Variants in ZGRF1 observed in about 807,000 individuals in gnomAD.
ZGRF1 encodes 5'-3' DNA helicase ZGRF1.
A neutral mutation model predicts 203.5 loss-of-function variants in ZGRF1; 196 were observed. The observed-to-expected ratio is 0.96, with a 90% CI of 0.86 to 1.08. The LOEUF (loss-of-function observed/expected upper bound fraction) is 1.08. Ranked by LOEUF, ZGRF1 falls within the 50% of genes least tolerant of loss-of-function variation. ZGRF1 has a pLI of 0.00. For synonymous variants in ZGRF1, 809 were observed against 841.3 expected (o/e 0.96, Z 0.66); for missense variants, 2,326 against 2,416.3 (o/e 0.96, Z 0.78).
At chr4:112,634,835 AG>A (rs1194222424) in intron 1 of ZGRF1, among the ~76,000 whole-genome samples, 1 of 152,130 alleles carries the variant, frequency 6.6e-6, no homozygotes, top group African/African-American at 2.4e-5. Flanking sequence ...ACTGCCTTTC[AG>A]AAATATAACT....
intron 3 of ZGRF1, among the ~76,000 whole-genome samples, chr4:112,627,376 A>G (rs1034841009): frequency 6.6e-6 from 1 of 152,146 alleles, no homozygotes; most frequent in Admixed American, 6.6e-5. Context: ...AGCCTCTACT[A>G]TAAGTCTCTG....
At chr4:112,567,869 T>G (rs1297088598) in intron 16 of ZGRF1, among the ~76,000 whole-genome samples, 2 of 152,054 alleles carry the variant, frequency 1.3e-5, no homozygotes, top group African/African-American at 4.8e-5. Context: ...AACGCTGCAG[T>G]GAGCCGTGAT....
chr4:112,607,190 T>C (rs1218044399), intron 8 of ZGRF1, among the ~76,000 whole-genome samples: 2 of 152,156 alleles, frequency 1.3e-5, no homozygotes, highest in East Asian at 3.8e-4. Flanking sequence ...AGTGGCGCAA[T>C]CGTTGTTCAC....
intron 23 of ZGRF1, 95 bp downstream of exon 23, chr4:112,548,158 C>G (rs1262801992): frequency 9.0e-7 from 1 of 1,114,990 alleles, no homozygotes; most frequent in African/African-American, 1.6e-5. Context: ...CCAAGCTGGT[C>G]GCAAACTCCT....
In ZGRF1 at chr4:112,587,549, C is replaced by T; in HGVS notation, c.3508G>A (p.Gly1170Ser). Residue 1170 changes from glycine to serine, a missense_variant, in exon 12 of 28, where the codon GGC becomes AGC. Coordinates refer to ENST00000505019, the MANE Select transcript of ZGRF1 (RefSeq NM_018392.5). Reference sequence around the variant, plus strand: ...CCAGAAACAGCCTCAGCAAAGAAGCCATCAGTTATTCTCTTATCAACTCTG... The same window carrying T: ...CCAGAAACAGCCTCAGCAAAGAAGCTATCAGTTATTCTCTTATCAACTCTG... Reference protein sequence around the residue: ...PNRVDKRITDGFFAEAVSGMH... With the variant: ...PNRVDKRITDSFFAEAVSGMH... 5 of 1,613,870 alleles carry T rather than the reference C, an allele frequency of 3.1e-6. No homozygotes were observed. Among genetic ancestry groups the T allele is most frequent in the Non-Finnish European group, 4.2e-6 (5 of 1,179,854 alleles).
At chr4:112,608,649 T>C (rs993428665) in intron 8 of ZGRF1, among the ~76,000 whole-genome samples, 1 of 152,098 alleles carries the variant, frequency 6.6e-6, no homozygotes, top group Non-Finnish European at 1.5e-5. Context: ...ATTTAAACCT[T>C]ATTTTTTCAA....
intron 6 of ZGRF1, among the ~76,000 whole-genome samples, chr4:112,615,920 C>A (rs2046853193): frequency 6.6e-6 from 1 of 152,136 alleles, no homozygotes; most frequent in Admixed American, 6.5e-5. Context: ...CAGGCATGAG[C>A]CACTGTGCCT....
intron 16 of ZGRF1, among the ~76,000 whole-genome samples, chr4:112,575,753 G>A (rs897825909): frequency 2.6e-5 from 4 of 152,216 alleles, no homozygotes; most frequent in African/African-American, 9.6e-5. Context: ...CATTGCAGAG[G>A]CTTGAGTAGG....
chr4:112,586,154 T>C (rs1477199296), intron 13 of ZGRF1, among the ~76,000 whole-genome samples: 1 of 151,704 alleles, frequency 6.6e-6, no homozygotes, highest in Admixed American at 6.6e-5. Context: ...AGTGGGAGGA[T>C]CACTTGAACC....
rs532748516 is a variant in ZGRF1 at position 112,552,000 on chromosome 4, G to A, written c.5346+1835C>T. Among the ~76,000 whole-genome samples the A allele has an allele frequency of 8.5e-5, 13 of 152,126 alleles. No homozygotes were observed. The South Asian group carries it at 1.9e-3, about 22-fold the overall frequency. ...ACTTTAGAAATGAGTCAGGTCTTCC[G>A]GGCGCGGTGGCTCATGCCTGTAATC... On this transcript the variant is annotated intron_variant, in intron 22 of 27. Transcript: ENST00000505019.
At chr4:112,603,452 C>G in intron 10 of ZGRF1, 72 bp downstream of exon 10, 1 of 1,076,982 alleles carries the variant, frequency 9.3e-7, no homozygotes, top group East Asian at 2.4e-5. Flanking sequence ...AACAACTATA[C>G]TATTTTCACA....
rs930363884 is a variant in ZGRF1 at position 112,618,393 on chromosome 4, T to C, written c.1649A>G (p.Asn550Ser). The C allele has an allele frequency of 5.6e-6, 9 of 1,613,838 alleles. No homozygotes were observed. Among genetic ancestry groups the C allele is most frequent in the African/African-American group, 5.3e-5 (4 of 74,930 alleles). The change falls in exon 6 of 28, where the codon AAC becomes AGC. Residue 550 changes from asparagine to serine, a missense_variant. Asn to Ser is a conservative substitution (Grantham distance 46). Transcript: ENST00000505019. ...SDTEEESQES[N>S]KISQDSESWV... Reference sequence around the variant, plus strand: ...ACTCTCTGAATCCTGGGAAATTTTGTTGCTTTCCTGTGATTCCTCCTCAGT... The same window carrying C: ...ACTCTCTGAATCCTGGGAAATTTTGCTGCTTTCCTGTGATTCCTCCTCAGT...
At chr4:112,604,021 A>G (rs540919014) in intron 9 of ZGRF1, among the ~76,000 whole-genome samples, 1 of 152,096 alleles carries the variant, frequency 6.6e-6, no homozygotes, top group South Asian at 2.1e-4. Context: ...TCAGGAGTTC[A>G]AGATCAGCCT....
chr4:112,596,074 A>T (rs1748955736), intron 10 of ZGRF1, among the ~76,000 whole-genome samples: 1 of 152,248 alleles, frequency 6.6e-6, no homozygotes, highest in Non-Finnish European at 1.5e-5. Flanking sequence ...TGATGTAGAT[A>T]ACAATAACTA....
rs1741313068 is a variant in ZGRF1, at chr4:112,558,240, T to G, written c.5030A>C (p.Lys1677Thr). 6.2e-7 allele frequency: 1 copy of G among 1,605,344 alleles called. No individual in the cohort carries two copies. The highest frequency in any genetic ancestry group is 8.5e-7 in the Non-Finnish European group (1 of 1,176,424). Reference sequence around the variant, plus strand: ...ATTTCCAATGGTGGGAGCTTCACTCTTTTCAAACAGCTGTACAAAGAACAA... The same window carrying G: ...ATTTCCAATGGTGGGAGCTTCACTCGTTTCAAACAGCTGTACAAAGAACAA... The part of the protein sequence containing the change: ...VILFFVQLFE[K>T]SEAPTIGNAR... Residue 1677 changes from lysine to threonine, a missense_variant, in exon 20 of 28, where the codon AAG (lysine) becomes ACG (threonine). Physicochemically the swap from Lys to Thr is moderately conservative, Grantham distance 78 (BLOSUM62 -1). Transcript: ENST00000505019.
At chr4:112,550,191 C>CAA (rs375935890) in intron 22 of ZGRF1, among the ~76,000 whole-genome samples, 3 of 141,150 alleles carry the variant, frequency 2.1e-5, no homozygotes, top group Non-Finnish European at 4.6e-5. Flanking sequence ...GACTCCATCT[C>CAA]AAAAAAAAAA....
In ZGRF1 at chr4:112,540,850, T is replaced by C. The variant is rs1319028825; in HGVS notation, c.5881A>G (p.Ile1961Val). ...TACATCTGGGATTTGTATAATGTTA[T>C]CACACCAATCATAGAGCCTGCTATT... is the stretch of plus-strand genomic sequence containing the variant. Reference protein sequence around the residue: ...SGIAGSMIGVITLYKSQMYKL... With the variant: ...SGIAGSMIGVVTLYKSQMYKL... The change falls in exon 26 of 28, where the codon ATA becomes GTA. Residue 1961 changes from isoleucine to valine, a missense_variant. By Grantham distance (29) the Ile-to-Val change is conservative. Coordinates refer to ENST00000505019, the MANE Select transcript of ZGRF1 (RefSeq NM_018392.5). The C allele has an allele frequency of 6.3e-7, 1 of 1,595,888 alleles. No homozygotes were observed. The highest frequency in any genetic ancestry group is 2.3e-5 in the East Asian group (1 of 44,344).
rs1300758486 is a variant in ZGRF1, at chr4:112,539,647, T to A, written c.6215A>T (p.Gln2072Leu). 6.2e-7 allele frequency: 1 copy of A among 1,608,994 alleles called. No homozygotes were observed. The highest frequency in any genetic ancestry group is 8.5e-7 in the Non-Finnish European group (1 of 1,177,474). The change falls in exon 28 of 28, where the codon CAG becomes CTG. Residue 2072 changes from glutamine to leucine, a missense_variant. By Grantham distance (113) the Gln-to-Leu change is moderately radical. Transcript: ENST00000505019. Reference protein sequence around the residue: ...GLQHANQYEPQLNHLLKDYFE... With the variant: ...GLQHANQYEPLLNHLLKDYFE... ...ATAATCTTTAAGGAGATGGTTCAGC[T>A]GTGGTTCATACTGGTTTGCATGTTG...
intron 16 of ZGRF1, among the ~76,000 whole-genome samples, chr4:112,563,600 A>G (rs1742431522): frequency 6.6e-6 from 1 of 152,222 alleles, no homozygotes; most frequent in Admixed American, 6.5e-5. Context: ...AGTTTGCTAC[A>G]ATGGAAATCC....
Sources: gnomAD v4.1 joint callset for allele counts (sites outside exome capture counted in the v4.1 genomes callset) on GRCh38, gnomAD v4.1.1 for gene constraint, MANE v1.5 for transcripts, NCBI Gene and HGNC (gene_info 2026-07-23, HGNC 2026-07-21) for gene names.